STOM: variants seen among roughly 807,000 people sequenced by gnomAD.
STOM encodes the protein stomatin.
In STOM, 25 loss-of-function variants were observed where a neutral mutation model predicts 30.6. The observed-to-expected ratio is 0.82, with a 90% CI of 0.60 to 1.14. STOM has a LOEUF of 1.14. STOM is among the 50% of genes most tolerant of loss of function. The pLI is 0.00. For missense variants in STOM, 292 were observed against 365.2 expected, an observed-to-expected ratio of 0.80 and a Z score of 1.63; for synonymous variants, 118 against 130.8, an observed-to-expected ratio of 0.90 and a Z score of 0.67.
At chr9:121,356,889 A>T (rs534427675) in intron 1 of STOM, among the ~76,000 whole-genome samples, 1 of 152,326 alleles carries the variant, frequency 6.6e-6, no homozygotes, top group East Asian at 1.9e-4. Flanking sequence ...AGGCTGAGGC[A>T]GGAGAATTGC....
rs751628905 is a variant in STOM at position 121,348,111 on chromosome 9, C to T, written c.564G>A (p.Lys188=). 6.2e-7 allele frequency: 1 copy of T among 1,614,228 alleles called. No individual in the cohort carries two copies. Among genetic ancestry groups the T allele is most frequent in the Admixed American group, 1.7e-5 (1 of 60,022 alleles). ...LDDATDAWGI[K]VERVEIKDVK... is the part of the protein sequence containing the mutation. ...CATCCTTAATTTCCACACGCTCCAC[C>T]TTTATTCCCCAGGCATCAGTGGCAT... The change falls in exon 6 of 7, where the codon AAG becomes AAA. Residue 188 remains lysine (K), a synonymous_variant. Transcript: ENST00000286713.
rs2064387380 is a variant in STOM at position 121,356,094 on chromosome 9, T to C, written c.124A>G (p.Thr42Ala). The C allele has an allele frequency of 2.5e-6, 4 of 1,613,914 alleles. No homozygotes were observed. Among genetic ancestry groups the C allele is most frequent in the African/African-American group, 1.3e-5 (1 of 74,882 alleles). Residue 42 changes from threonine (T) to alanine (A), a missense_variant, in exon 2 of 7, where the codon ACC becomes GCC. Transcript: ENST00000286713. ...ATTGAGATTGGGAAAGTTATAACGG[T>C]GAATAAGAATGAGAACGCCACCAAA... The part of the protein sequence containing the change: ...WILVAFSFLF[T>A]VITFPISIWM...
intron 4 of STOM, among the ~76,000 whole-genome samples, chr9:121,352,230 T>A (rs2064345847): frequency 6.6e-6 from 1 of 152,236 alleles, no homozygotes; most frequent in African/African-American, 2.4e-5. Flanking sequence ...GAAGTACTTA[T>A]AATACTTAAC....
intron 4 of STOM, among the ~76,000 whole-genome samples, 196 bp from the exon 5 acceptor site, chr9:121,349,519 T>C (rs1258658664): frequency 1.3e-5 from 2 of 152,168 alleles, no homozygotes; most frequent in Admixed American, 6.5e-5. Flanking sequence ...ATACAAATAA[T>C]ATTGAGATAT....
At position 121,370,120 on chromosome 9, in the gene STOM, G is replaced by A. The variant is rs1423622815; in HGVS notation, c.61+7C>T. Reference sequence around the variant, plus strand: ...CACGGGGGAGGGTCAGGGGACGCGGGACTCACCCTTGAAGGAGTCGGGGAG... The same window carrying A: ...CACGGGGGAGGGTCAGGGGACGCGGAACTCACCCTTGAAGGAGTCGGGGAG... On this transcript the variant is annotated splice_region_variant and intron_variant, in intron 1 of 6. Coordinates refer to ENST00000286713, the MANE Select transcript of STOM (RefSeq NM_004099.6). The A allele has an allele frequency of 1.9e-6, 3 of 1,541,352 alleles. No individual in the cohort carries two copies. The highest frequency in any genetic ancestry group is 2.7e-5 in the African/African-American group (2 of 72,970).
At chr9:121,366,029 A>G in intron 1 of STOM, 1 of 782,810 alleles carries the variant, frequency 1.3e-6, no homozygotes. Flanking sequence ...CCTTCATACA[A>G]ATCTCTTAAG....
intron 5 of STOM, 59 bp downstream of exon 5, chr9:121,349,061 T>C: frequency 3.8e-6 from 6 of 1,569,310 alleles, no homozygotes; most frequent in East Asian, 2.3e-5. Context: ...CAAACAACCA[T>C]TGACTCTTTG....
chr9:121,353,087 C>T, intron 4 of STOM, 133 bp downstream of exon 4: 1 of 406,742 alleles, frequency 2.5e-6, no homozygotes, highest in Non-Finnish European at 4.2e-6. Flanking sequence ...AGCAAGATTC[C>T]AATTAAAACA....
rs766711234 is a variant in STOM, at chr9:121,348,104, G to A, written c.571C>T (p.Arg191Cys). Residue 191 changes from arginine (R) to cysteine (C), a missense_variant, in exon 6 of 7, where the codon CGT (arginine) becomes TGT (cysteine). Arg to Cys is a radical substitution (Grantham distance 180). Coordinates refer to ENST00000286713, the MANE Select transcript of STOM (RefSeq NM_004099.6). ...AGTTTCACATCCTTAATTTCCACAC[G>A]CTCCACCTTTATTCCCCAGGCATCA... is the stretch of plus-strand genomic sequence containing the variant. Reference protein sequence around the residue: ...ATDAWGIKVERVEIKDVKLPV... With the variant: ...ATDAWGIKVECVEIKDVKLPV... 3.1e-6 allele frequency: 5 copies of A among 1,614,194 alleles called. No homozygotes were observed. The highest frequency in any genetic ancestry group is 2.2e-5 in the East Asian group (1 of 44,880).
intron 6 of STOM, among the ~76,000 whole-genome samples, chr9:121,343,608 A>G (rs1470366405): frequency 1.3e-5 from 2 of 152,230 alleles, no homozygotes; most frequent in African/African-American, 4.8e-5. Context: ...CTGTTTAGAA[A>G]AAGATGAGGA....
At chr9:121,351,454 T>A (rs1346131658) in intron 4 of STOM, among the ~76,000 whole-genome samples, 1 of 152,252 alleles carries the variant, frequency 6.6e-6, no homozygotes. Context: ...ATTTGTGACA[T>A]GAGAAGGCAA....
chr9:121,365,057 C>T (rs306796), intron 1 of STOM, among the ~76,000 whole-genome samples: 49,612 of 151,672 alleles, frequency 0.33, 8,378 homozygotes, highest in Admixed American at 0.4. Flanking sequence ...ATATGGAAGA[C>T]ACTTAGTGTA....
intron 1 of STOM, chr9:121,369,856 G>A (rs2064546705): frequency 6.4e-6 from 3 of 466,182 alleles, no homozygotes; most frequent in South Asian, 3.7e-5. Flanking sequence ...GTGCAGCCCT[G>A]GCATGGGGCT....
chr9:121,341,559 C>T, intron 6 of STOM, 151 bp from the exon 7 acceptor site: 1 of 1,025,698 alleles, frequency 9.7e-7, no homozygotes, highest in Middle Eastern at 3.2e-4. Flanking sequence ...TTTCTACATA[C>T]TCAGTTTCCA....
At chr9:121,360,222 C>T (rs569446846) in intron 1 of STOM, among the ~76,000 whole-genome samples, 1 of 152,186 alleles carries the variant, frequency 6.6e-6, no homozygotes, top group African/African-American at 2.4e-5. Flanking sequence ...CTTTTTCTTT[C>T]CTTTGAATCT....
intron 1 of STOM, among the ~76,000 whole-genome samples, chr9:121,361,509 C>T (rs2064452182): frequency 6.6e-6 from 1 of 151,168 alleles, no homozygotes; most frequent in Non-Finnish European, 1.5e-5. Context: ...TTGCCTCAGC[C>T]TCCCCAGTAG....
At chr9:121,347,948 C>T (rs1242783103) in intron 6 of STOM, 67 bp downstream of exon 6, 116 of 1,512,184 alleles carry the variant, frequency 7.7e-5, no homozygotes, top group Non-Finnish European at 8.8e-5. Flanking sequence ...GCATGTTTTA[C>T]GTTTTTTTAT....
chr9:121,369,399 C>G (rs2064539189), intron 1 of STOM, among the ~76,000 whole-genome samples: 1 of 152,036 alleles, frequency 6.6e-6, no homozygotes, highest in Non-Finnish European at 1.5e-5. Flanking sequence ...GAACCCCCTC[C>G]CCAGAGTACC....
At chr9:121,341,480 G>C in intron 6 of STOM, 72 bp from the exon 7 acceptor site, 2 of 1,596,068 alleles carry the variant, frequency 1.3e-6, no homozygotes, top group Non-Finnish European at 1.7e-6. Context: ...TTCAACCGGG[G>C]GTATGTATAC....
Sources: gnomAD v4.1 joint callset for allele counts (sites outside exome capture counted in the v4.1 genomes callset) on GRCh38, gnomAD v4.1.1 for gene constraint, MANE v1.5 for transcripts, NCBI Gene and HGNC (gene_info 2026-07-23, HGNC 2026-07-21) for gene names.